Variants in AHCYL1 observed in about 807,000 individuals in gnomAD.
The protein encoded by AHCYL1 is adenosylhomocysteinase like 1, also known as S-adenosylhomocysteine hydrolase-like protein 1.
In AHCYL1, 20 loss-of-function variants were observed where a neutral mutation model predicts 79.3. That is an observed-to-expected ratio of 0.25 (90% CI 0.18 to 0.37). The LOEUF (loss-of-function observed/expected upper bound fraction) is 0.37. Among genes scored for constraint, AHCYL1 ranks in the 10% least tolerant of loss-of-function variants. AHCYL1 has a pLI of 1.00. For synonymous variants in AHCYL1, 223 were observed against 242.2 expected (o/e 0.92, Z 0.74); for missense variants, 330 against 673.6 (o/e 0.49, Z 5.65).
chr1:110,016,552 T>C, intron 8 of AHCYL1, 92 bp downstream of exon 8: 2 of 1,560,366 alleles, frequency 1.3e-6, no homozygotes, highest in Admixed American at 1.7e-5. Context: ...CATACTGAGC[T>C]CAACCAGCTT....
In AHCYL1 at chr1:110,017,929, C is replaced by T. The variant is rs1651527600; in HGVS notation, c.1053-17C>T. On this transcript the variant is annotated splice_polypyrimidine_tract_variant and intron_variant, in intron 10 of 16. Coordinates refer to ENST00000369799, the MANE Select transcript of AHCYL1 (RefSeq NM_006621.7). ...GCCTTCTTGCTTTACTCATAGTGTT[C>T]CTTTCTTTTCTTCCAGCATGGATGG... The T allele has an allele frequency of 6.2e-7, 1 of 1,613,656 alleles. No individual in the cohort carries two copies. The highest frequency in any genetic ancestry group is 8.5e-7 in the Non-Finnish European group (1 of 1,179,586).
At chr1:110,005,539 G>A (rs905229759) in intron 1 of AHCYL1, among the ~76,000 whole-genome samples, 5 of 152,156 alleles carry the variant, frequency 3.3e-5, no homozygotes, top group African/African-American at 9.7e-5. Flanking sequence ...TTGGTGCCTA[G>A]CAAATGTGAT....
At chr1:109,989,531 C>T (rs994402108) in intron 1 of AHCYL1, among the ~76,000 whole-genome samples, 5 of 152,212 alleles carry the variant, frequency 3.3e-5, no homozygotes, top group South Asian at 2.1e-4. Flanking sequence ...ATATAGTATT[C>T]TTGGAAAGTT....
rs558550427 is a variant in AHCYL1 at position 109,985,069 on chromosome 1, C to T, written c.17C>T (p.Ala6Val). MSMPD[A>V]MPLPGVGEEL... Reference sequence around the variant, plus strand: ...GGCCGGGGAATGTCGATGCCTGACGCGATGCCGCTGCCCGGGGTCGGGGAG... The same window carrying T: ...GGCCGGGGAATGTCGATGCCTGACGTGATGCCGCTGCCCGGGGTCGGGGAG... The change falls in exon 1 of 17, where the codon GCG becomes GTG. Residue 6 changes from alanine (A) to valine (V), a missense_variant. Around this residue, in one of 6 missense-constraint regions of AHCYL1, gnomAD observed 66 missense variants for 68.0 expected, o/e 0.97. Coordinates refer to ENST00000369799, the MANE Select transcript of AHCYL1 (RefSeq NM_006621.7). The T allele has an allele frequency of 5.0e-6, 8 of 1,602,878 alleles. No homozygotes were observed. The highest frequency in any genetic ancestry group is 6.8e-6 in the Non-Finnish European group (8 of 1,175,674).
At chr1:110,015,397 C>A in intron 6 of AHCYL1, 28 bp from the exon 7 acceptor site, 1 of 1,579,934 alleles carries the variant, frequency 6.3e-7, no homozygotes, top group Non-Finnish European at 8.7e-7. Flanking sequence ...GCCTGAATGC[C>A]CATAGAAGTC....
chr1:110,012,058 C>A (rs1452590000), intron 3 of AHCYL1, among the ~76,000 whole-genome samples: 3 of 152,212 alleles, frequency 2.0e-5, no homozygotes, highest in African/African-American at 7.2e-5. Flanking sequence ...TAACTATTTT[C>A]CTCTCTTCCC....
intron 5 of AHCYL1, 103 bp downstream of exon 5, chr1:110,013,102 G>A: frequency 2.5e-6 from 2 of 810,576 alleles, no homozygotes; most frequent in Admixed American, 3.4e-5. Flanking sequence ...ATGTCTAGAG[G>A]CTATAAAATT....
At position 110,014,823 on chromosome 1, in the gene AHCYL1, G is replaced by A. The variant is rs756700510; in HGVS notation, c.641G>A (p.Arg214His). The A allele has an allele frequency of 1.9e-5, 31 of 1,614,088 alleles. No individual in the cohort carries two copies. Among genetic ancestry groups the A allele is most frequent in the South Asian group, 6.6e-5 (6 of 91,090 alleles). Residue 214 changes from arginine (R) to histidine (H), a missense_variant, in exon 6 of 17, where the codon CGC becomes CAC. By Grantham distance (29) the Arg-to-His change is conservative. Transcript: ENST00000369799. The stretch of plus-strand genomic sequence containing the variant: ...GATGACTTCTGGTGGTGTATTGACC[G>A]CTGTGTGAACATGGATGGGTGGCAG... ...SEDDFWWCIDRCVNMDGWQAN... is the reference protein window; with the variant it reads ...SEDDFWWCIDHCVNMDGWQAN...
intron 6 of AHCYL1, 84 bp downstream of exon 6, chr1:110,014,941 T>C: frequency 7.6e-7 from 1 of 1,317,376 alleles, no homozygotes; most frequent in African/African-American, 1.4e-5. Flanking sequence ...AAATATGTTT[T>C]GGATGTTTGG....
At chr1:109,986,337 T>C (rs1649467876) in intron 1 of AHCYL1, among the ~76,000 whole-genome samples, 1 of 150,482 alleles carries the variant, frequency 6.6e-6, no homozygotes, top group Non-Finnish European at 1.5e-5. Flanking sequence ...TTTTTTTTTT[T>C]TAAGTGAATT....
At position 109,999,485 on chromosome 1, in the gene AHCYL1, A is replaced by G. The variant is rs112426600; in HGVS notation, c.121-9549A>G. On this transcript the variant is annotated intron_variant, in intron 1 of 16. Coordinates refer to ENST00000369799, the MANE Select transcript of AHCYL1 (RefSeq NM_006621.7). The stretch of plus-strand genomic sequence containing the variant: ...TAAGAACCTTCTGCTTTTTGCTTCC[A>G]TGAGTTTGGCTTTTTTAGATTGCAC... Among the ~76,000 whole-genome samples the G allele has an allele frequency of 2.2e-3, 335 of 152,294 alleles. 4 individuals carry two copies. Among genetic ancestry groups the G allele is most frequent in the African/African-American group, 7.8e-3 (322 of 41,546 alleles).
chr1:110,010,075 GGTGT>G (rs1398561413), intron 2 of AHCYL1, among the ~76,000 whole-genome samples: 2 of 152,160 alleles, frequency 1.3e-5, no homozygotes, highest in Admixed American at 1.3e-4. Flanking sequence ...GATAAAAAGT[GGTGT>G]GTGACAAGCA....
At position 110,020,711 on chromosome 1, in the gene AHCYL1, T is replaced by C. The variant is rs1468382385; in HGVS notation, c.1466-20T>C. The stretch of plus-strand genomic sequence containing the variant: ...CATTTTGAAAAGGAGTCTGCTCTCC[T>C]GCCACTTTGCTCTTCCTAGATGAAT... On this transcript the variant is annotated intron_variant, in intron 15 of 16. Coordinates refer to ENST00000369799, the MANE Select transcript of AHCYL1 (RefSeq NM_006621.7). 3 of 1,584,626 alleles carry C rather than the reference T, an allele frequency of 1.9e-6. No individual in the cohort carries two copies. Among genetic ancestry groups the C allele is most frequent in the Admixed American group, 3.8e-5 (2 of 53,156 alleles).
chr1:109,999,703 A>AT (rs765381030), intron 1 of AHCYL1, among the ~76,000 whole-genome samples: 5 of 134,872 alleles, frequency 3.7e-5, no homozygotes, highest in South Asian at 2.7e-4. Context: ...TCAATGGTAA[A>AT]ATTTTTTTTT....
intron 1 of AHCYL1, 54 bp from the exon 2 acceptor site, chr1:110,008,980 C>A (rs1650847577): frequency 1.8e-5 from 24 of 1,298,506 alleles, no homozygotes; most frequent in Admixed American, 3.8e-5. Flanking sequence ...AAAAAAAAAA[C>A]ATTTCATGGA....
chr1:110,013,883 C>A (rs1447089655), intron 5 of AHCYL1, among the ~76,000 whole-genome samples: 2 of 150,436 alleles, frequency 1.3e-5, no homozygotes, highest in Non-Finnish European at 3.0e-5. Context: ...TCACTGCAAC[C>A]CCTGCCTCCT....
chr1:110,017,822 T>A (rs536378386), intron 10 of AHCYL1, 124 bp from the exon 11 acceptor site: 1 of 1,032,506 alleles, frequency 9.7e-7, no homozygotes, highest in Non-Finnish European at 1.5e-6. Context: ...GCAGAGCTTA[T>A]CACTCACCAT....
chr1:110,004,208 G>A (rs1650501476), intron 1 of AHCYL1: 2 of 985,642 alleles, frequency 2.0e-6, no homozygotes, highest in Non-Finnish European at 2.4e-6. Context: ...GCGGGAGTCG[G>A]CGGGGGAAGA....
chr1:110,007,237 A>G (rs1187559576), intron 1 of AHCYL1, among the ~76,000 whole-genome samples: 1 of 152,138 alleles, frequency 6.6e-6, no homozygotes, highest in Admixed American at 6.5e-5. Context: ...AGGGGAAGGA[A>G]TCATAGCAGA....
Sources: allele counts gnomAD v4.1 joint callset (sites outside exome capture counted in the v4.1 genomes callset), GRCh38; gene constraint gnomAD v4.1.1; regional missense constraint gnomAD v4.1.1; transcripts MANE v1.5; gene names NCBI Gene and HGNC (gene_info 2026-07-23, HGNC 2026-07-21).